LSP1: variants seen among roughly 807,000 people sequenced by gnomAD.
LSP1 encodes the protein lymphocyte-specific protein 1.
Under a neutral mutation model 49.3 loss-of-function variants are expected in LSP1, and 32 were observed. The ratio of observed to expected loss-of-function variants is 0.65; its 90% CI spans 0.49 to 0.87. LSP1 has a LOEUF of 0.87. Ranked by LOEUF, LSP1 falls within the 40% of genes least tolerant of loss-of-function variation. LSP1 has a pLI of 0.00. For synonymous variants in LSP1, 179 were observed against 178.8 expected (o/e 1.00, Z -0.01); for missense variants, 428 against 442.6 (o/e 0.97, Z 0.30).
At chr11:1,876,430 G>A (rs1292848055) in intron 1 of LSP1, 1 of 984,664 alleles carries the variant, frequency 1.0e-6, no homozygotes, top group East Asian at 1.1e-4. Flanking sequence ...TGGAGGAGAA[G>A]CTCCCCCTCC....
At chr11:1,869,830 A>G in intron 1 of LSP1, 2 of 466,952 alleles carry the variant, frequency 4.3e-6, no homozygotes, top group Admixed American at 4.7e-5. Flanking sequence ...CGAGACTGAG[A>G]AATGAATTTC....
rs1848458553 is a variant in LSP1, at chr11:1,879,739, A to G, written c.54-348A>G. ...AGGTCCTGGTTCTACTTAGGGAGGG[A>G]GGCAGGCTGGGAGAGGGGGACAGAG... On this transcript the variant is annotated intron_variant, in intron 1 of 10. Transcript: ENST00000311604. Among the ~76,000 whole-genome samples, 8 of 152,180 alleles carry G rather than the reference A, an allele frequency of 5.3e-5. 1 individual carries two copies. In the South Asian group the frequency reaches 1.7e-3, roughly 32 times the overall value.
chr11:1,861,499 G>C (rs1847626908), intron 1 of LSP1, among the ~76,000 whole-genome samples: 1 of 152,266 alleles, frequency 6.6e-6, no homozygotes, highest in African/African-American at 2.4e-5. Flanking sequence ...TGGATGGATA[G>C]ATGGGTGGAT....
At chr11:1,864,560 C>CT (rs1409304180) in intron 1 of LSP1, among the ~76,000 whole-genome samples, 1 of 151,828 alleles carries the variant, frequency 6.6e-6, no homozygotes, top group Non-Finnish European at 1.5e-5. Context: ...CGCTGCTGGG[C>CT]TGGGAGAGTT....
At position 1,853,128 on chromosome 11, in the gene LSP1, G is replaced by A. The variant is rs779836418; in HGVS notation, c.-17G>A. On this transcript the variant is annotated 5_prime_UTR_variant, in exon 1 of 11. Coordinates refer to ENST00000311604, the MANE Select transcript of LSP1 (RefSeq NM_002339.3). ...CAGGGATCTGCCAGCACCCTGTGGG[G>A]CCCAGACTACAGGCTGATGGCGGAG... is the stretch of plus-strand genomic sequence containing the variant. 1.9e-6 allele frequency: 3 copies of A among 1,607,002 alleles called. No individual in the cohort carries two copies. The African/African-American group carries it at 4.0e-5, about 21-fold the overall frequency.
intron 3 of LSP1, among the ~76,000 whole-genome samples, chr11:1,882,037 A>G (rs1292224711): frequency 6.6e-6 from 1 of 152,016 alleles, no homozygotes; most frequent in Non-Finnish European, 1.5e-5. Context: ...GGGCTGGCTG[A>G]TCTCCATTCC....
chr11:1,858,031 C>T (rs565473953), intron 1 of LSP1, among the ~76,000 whole-genome samples: 1 of 152,202 alleles, frequency 6.6e-6, no homozygotes, highest in African/African-American at 2.4e-5. Context: ...CCTGGGATTA[C>T]AAGCATGAAC....
In LSP1 at chr11:1,887,275, G is replaced by A. The variant is rs1306584727; in HGVS notation, c.891G>A (p.Trp297Ter). The change falls in exon 9 of 11, where the codon TGG becomes TGA. Residue 297 changes from tryptophan to a stop codon, truncating the protein, a stop_gained. Transcript: ENST00000311604. LOFTEE classifies it high-confidence loss of function. ...GAGACATGAGCAAGAAAAGCCTCTG[G>A]GAGCAGAAGGGAGGCTCCAAGACCT... ...VAGDMSKKSL[W>*]EQKGGSKTSS... The A allele has an allele frequency of 6.3e-7, 1 of 1,596,308 alleles. No individual in the cohort carries two copies. Among genetic ancestry groups the A allele is most frequent in the South Asian group, 1.1e-5 (1 of 89,284 alleles).
rs11041527 is a variant in LSP1 at position 1,860,862 on chromosome 11, T to G, written c.53+7665T>G. 9.3e-4 allele frequency among the ~76,000 whole-genome samples: 36 copies of G among 38,640 alleles called. 2 individuals are homozygous for G. The highest frequency in any genetic ancestry group is 4.3e-3 in the Admixed American group (15 of 3,480). The allele number at this position is 38,640 out of a possible 152,430, so 25.3% of individuals were successfully genotyped here. A position where few individuals can be genotyped will look rare whatever the true frequency, so the allele number is the denominator to read the frequency against. ...GATGGAATTATGTATGGGTGGATGATTGGATGGCTGGAATATGGACATATA... is the reference window on the plus strand; with the variant it reads ...GATGGAATTATGTATGGGTGGATGAGTGGATGGCTGGAATATGGACATATA... On this transcript the variant is annotated intron_variant, in intron 1 of 10. Coordinates refer to ENST00000311604, the MANE Select transcript of LSP1 (RefSeq NM_002339.3).
intron 1 of LSP1, among the ~76,000 whole-genome samples, chr11:1,853,603 C>A (rs1325655162): frequency 2.6e-5 from 4 of 152,170 alleles, no homozygotes; most frequent in Non-Finnish European, 5.9e-5. Context: ...ATGGGTGGAA[C>A]TGGCCCGGGC....
intron 1 of LSP1, among the ~76,000 whole-genome samples, chr11:1,877,121 G>A (rs1848343932): frequency 6.6e-6 from 1 of 152,232 alleles, no homozygotes. Context: ...GCTCCGTGGT[G>A]CATGCCAAGG....
At chr11:1,879,383 G>A (rs1408915563) in intron 1 of LSP1, among the ~76,000 whole-genome samples, 1 of 152,172 alleles carries the variant, frequency 6.6e-6, no homozygotes, top group Non-Finnish European at 1.5e-5. Flanking sequence ...GAGAGACTCC[G>A]CAGAGGGCTC....
intron 2 of LSP1, among the ~76,000 whole-genome samples, chr11:1,880,485 G>A (rs1324185378): frequency 1.3e-5 from 2 of 152,054 alleles, no homozygotes; most frequent in East Asian, 1.9e-4. Flanking sequence ...GCCCTTGCTC[G>A]GACCGCCTCT....
chr11:1,876,457 G>A (rs772785791), intron 1 of LSP1: 17 of 985,666 alleles, frequency 1.7e-5, no homozygotes, highest in East Asian at 1.1e-4. Context: ...CATCCTCCCC[G>A]CAGCCCTTGC....
chr11:1,890,713 T>C, intron 10 of LSP1: 1 of 607,188 alleles, frequency 1.6e-6, no homozygotes, highest in Admixed American at 2.8e-5. Context: ...GTATTCTGCT[T>C]CCTGAGCACC....
chr11:1,855,422 A>C (rs1847464259), intron 1 of LSP1, among the ~76,000 whole-genome samples: 1 of 152,154 alleles, frequency 6.6e-6, no homozygotes. Context: ...ACATGCCCTC[A>C]ACACTAGGTC....
At position 1,886,722 on chromosome 11, in the gene LSP1, T is replaced by G; in HGVS notation, c.718-10T>G. 6.2e-7 allele frequency: 1 copy of G among 1,602,262 alleles called. No homozygotes were observed. The highest frequency in any genetic ancestry group is 8.5e-7 in the Non-Finnish European group (1 of 1,173,144). Reference sequence around the variant, plus strand: ...ACTAAGGTAATCCTGATGCTTTTCCTCCTCTGCAGACCGCTGGCCGGACCC... The same window carrying G: ...ACTAAGGTAATCCTGATGCTTTTCCGCCTCTGCAGACCGCTGGCCGGACCC... On this transcript the variant is annotated splice_polypyrimidine_tract_variant and intron_variant, in intron 7 of 10. Coordinates refer to ENST00000311604, the MANE Select transcript of LSP1 (RefSeq NM_002339.3).
intron 10 of LSP1, chr11:1,889,403 G>A: frequency 1.4e-6 from 1 of 691,790 alleles, no homozygotes; most frequent in Non-Finnish European, 2.7e-6. Flanking sequence ...AGGTCCGGGA[G>A]GCGGGGGCCC....
intron 1 of LSP1, among the ~76,000 whole-genome samples, chr11:1,860,548 ATGT>A (rs1289448631): frequency 6.6e-6 from 1 of 152,236 alleles, no homozygotes; most frequent in Non-Finnish European, 1.5e-5. Context: ...GTATATATGG[ATGT>A]TTGGATGAAA....
Sources: gnomAD v4.1 joint callset for allele counts (sites outside exome capture counted in the v4.1 genomes callset) on GRCh38, gnomAD v4.1.1 for gene constraint, MANE v1.5 for transcripts, NCBI Gene and HGNC (gene_info 2026-07-23, HGNC 2026-07-21) for gene names.